ERC2: variants seen among roughly 807,000 people sequenced by gnomAD.
The protein encoded by ERC2 is ERC protein 2.
In ERC2, 42 loss-of-function variants were observed where a neutral mutation model predicts 114.8. The ratio of observed to expected loss-of-function variants is 0.37; its 90% CI spans 0.29 to 0.47. The LOEUF (loss-of-function observed/expected upper bound fraction) is 0.47. Ranked by LOEUF, ERC2 falls within the 20% of genes least tolerant of loss-of-function variation. ERC2 has a pLI of 0.99. For missense variants in ERC2, 939 were observed against 1,150.7 expected (o/e 0.82, Z 2.66); for synonymous variants, 454 against 425.5 (o/e 1.07, Z -0.82).
At chr3:56,223,233 G>C (rs946304498) in intron 3 of ERC2, among the ~76,000 whole-genome samples, 2 of 152,178 alleles carry the variant, frequency 1.3e-5, no homozygotes, top group Admixed American at 6.5e-5. Flanking sequence ...ACCAGGAATA[G>C]AGCATCCAAG....
rs2057870525 is a variant in ERC2, at chr3:56,336,765, C to G, written c.658-40330G>C. On this transcript the variant is annotated intron_variant, in intron 2 of 17. Transcript: ENST00000288221. ...TGAGCCAAGATCACGCCACTGCACT[C>G]TAGCCTGGGGGATAGAGCGAGACTC... 4.6e-5 allele frequency among the ~76,000 whole-genome samples: 7 copies of G among 152,250 alleles called. No individual in the cohort carries two copies. In the South Asian group the frequency reaches 1.5e-3, roughly 32 times the overall value.
chr3:56,389,063 T>C (rs1003953649), intron 2 of ERC2, among the ~76,000 whole-genome samples: 12 of 152,168 alleles, frequency 7.9e-5, no homozygotes, highest in African/African-American at 1.9e-4. Flanking sequence ...TTTATAGAAC[T>C]CTTCCTGAAA....
chr3:55,667,064 C>T (rs1285244270), intron 17 of ERC2, among the ~76,000 whole-genome samples: 2 of 152,116 alleles, frequency 1.3e-5, no homozygotes, highest in African/African-American at 2.4e-5. Flanking sequence ...TCCACAAAAA[C>T]CTATATCATG....
intron 12 of ERC2, among the ~76,000 whole-genome samples, chr3:55,957,733 G>C (rs901781077): frequency 1.3e-5 from 2 of 151,476 alleles, no homozygotes; most frequent in Admixed American, 1.3e-4. Flanking sequence ...GTGGGGAGGA[G>C]GGGGGGGCAG....
In ERC2 at chr3:55,510,209, G is replaced by A. The variant is rs2051984718; in HGVS notation, c.*1107C>T. ...TTGTGATTGTTCCTCATTCATCAAT[G>A]TTTTCATGTTTGATGCTGAAAATGC... On this transcript the variant is annotated 3_prime_UTR_variant, in exon 18 of 18. Transcript: ENST00000288221. The A allele has an allele frequency of 6.6e-6, 1 of 150,872 alleles. No individual in the cohort carries two copies. The highest frequency in any genetic ancestry group is 1.5e-5 in the Non-Finnish European group (1 of 67,804). 9.3% of individuals were successfully genotyped at this position (150,872 alleles called of 1,614,324 possible). A position where few individuals can be genotyped will look rare whatever the true frequency, so the allele number is the denominator to read the frequency against.
At chr3:55,793,815 A>G (rs2070254931) in intron 14 of ERC2, among the ~76,000 whole-genome samples, 1 of 152,204 alleles carries the variant, frequency 6.6e-6, no homozygotes, top group African/African-American at 2.4e-5. Flanking sequence ...AGAGAGCAAT[A>G]GAAAAACTTG....
At chr3:56,160,667 G>C (rs915833687) in intron 4 of ERC2, among the ~76,000 whole-genome samples, 2 of 152,120 alleles carry the variant, frequency 1.3e-5, no homozygotes, top group African/African-American at 4.8e-5. Context: ...ATAGTGAAAT[G>C]TAAGTGTCTA....
chr3:56,325,941 T>C (rs957078071), intron 2 of ERC2, among the ~76,000 whole-genome samples: 1 of 152,220 alleles, frequency 6.6e-6, no homozygotes, highest in Non-Finnish European at 1.5e-5. Context: ...AATGACTGGA[T>C]AATGAACTAG....
At chr3:56,403,135 C>G (rs938841161) in intron 2 of ERC2, among the ~76,000 whole-genome samples, 5 of 152,208 alleles carry the variant, frequency 3.3e-5, no homozygotes, top group Admixed American at 6.5e-5. Context: ...TCCACCTCCC[C>G]ACTCAGTAGA....
chr3:55,892,634 A>G (rs1460369280), intron 13 of ERC2, among the ~76,000 whole-genome samples: 1 of 152,208 alleles, frequency 6.6e-6, no homozygotes, highest in Non-Finnish European at 1.5e-5. Context: ...TTTTTAGTTA[A>G]GATCCTCCCA....
At chr3:56,147,014 A>T (rs1439547286) in intron 5 of ERC2, among the ~76,000 whole-genome samples, 1 of 152,252 alleles carries the variant, frequency 6.6e-6, no homozygotes, top group African/African-American at 2.4e-5. Flanking sequence ...GTCCATGATG[A>T]GGGGCAGAGT....
Position 56,083,331 on chromosome 3 carries a change from A to T in ERC2, c.1474-2347T>A, listed in dbSNP as rs182912209. Among the ~76,000 whole-genome samples, 80 of 152,292 alleles carry T rather than the reference A, an allele frequency of 5.3e-4. 1 individual carries two copies. In the Middle Eastern group the frequency reaches 0.017, roughly 32 times the overall value. ...ATGACTGTGTTTCCATTTCTGTGAA[A>T]TTCTAAAAGAGGTGAAAATAATCTA... On this transcript the variant is annotated intron_variant, in intron 6 of 17. Transcript: ENST00000288221.
At chr3:55,732,508 G>A (rs7620617) in intron 15 of ERC2, among the ~76,000 whole-genome samples, 2,843 of 152,220 alleles carry the variant, frequency 0.019, 89 homozygotes, top group African/African-American at 0.065. Flanking sequence ...CAAGCTCGTC[G>A]TAAAGAATAA....
chr3:56,101,087 A>G (rs893952218), intron 6 of ERC2, among the ~76,000 whole-genome samples: 1 of 152,210 alleles, frequency 6.6e-6, no homozygotes, highest in Middle Eastern at 3.2e-3. Context: ...ATCTCTGTAA[A>G]GATTGTGAAA....
chr3:55,589,555 T>C (rs1559703669), intron 17 of ERC2, among the ~76,000 whole-genome samples: 2 of 152,048 alleles, frequency 1.3e-5, no homozygotes, highest in African/African-American at 4.8e-5. Flanking sequence ...ATTCTATTAG[T>C]AAGGATAAAA....
Position 56,294,592 on chromosome 3 carries a change from A to G in ERC2, c.1074+1427T>C, listed in dbSNP as rs556440789. Among the ~76,000 whole-genome samples the G allele has an allele frequency of 7.0e-4, 107 of 152,360 alleles. 3 individuals carry two copies. The highest frequency in any genetic ancestry group is 2.6e-4 in the Admixed American group (4 of 15,310). On this transcript the variant is annotated intron_variant, in intron 3 of 17. Transcript: ENST00000288221. ...TCAAAGCATGCAAGCTATGAAGGCAATAGAGTCTGCTAGTAAGATGGAAGT... is the reference window on the plus strand; with the variant it reads ...TCAAAGCATGCAAGCTATGAAGGCAGTAGAGTCTGCTAGTAAGATGGAAGT...
intron 2 of ERC2, among the ~76,000 whole-genome samples, chr3:56,322,308 T>C (rs2150425526): frequency 6.6e-6 from 1 of 152,342 alleles, no homozygotes; most frequent in South Asian, 2.1e-4. Flanking sequence ...CAAAGAAGGC[T>C]GCAAATTTCC....
chr3:55,773,793 C>G (rs1348963529), intron 14 of ERC2, among the ~76,000 whole-genome samples: 1 of 152,190 alleles, frequency 6.6e-6, no homozygotes, highest in Non-Finnish European at 1.5e-5. Context: ...AGTATCCTCG[C>G]CTTCTTGCAA....
chr3:55,694,618 G>T (rs2062836280), intron 16 of ERC2, among the ~76,000 whole-genome samples: 1 of 152,210 alleles, frequency 6.6e-6, no homozygotes, highest in Non-Finnish European at 1.5e-5. Flanking sequence ...TTCAATGAAG[G>T]AGGAAGAGGA....
Sources: allele counts gnomAD v4.1 joint callset (sites outside exome capture counted in the v4.1 genomes callset), GRCh38; gene constraint gnomAD v4.1.1; transcripts MANE v1.5; gene names NCBI Gene and HGNC (gene_info 2026-07-23, HGNC 2026-07-21).